SPTAN1: variants seen among roughly 807,000 people sequenced by gnomAD.
The protein encoded by SPTAN1 is spectrin alpha chain, non-erythrocytic 1.
In SPTAN1, 61 loss-of-function variants were observed where a neutral mutation model predicts 331.3. The ratio of observed to expected loss-of-function variants is 0.18; its 90% CI spans 0.15 to 0.23. The LOEUF (loss-of-function observed/expected upper bound fraction) is 0.23. Among genes scored for constraint, SPTAN1 ranks in the 10% least tolerant of loss-of-function variants. SPTAN1 has a pLI of 1.00. For missense variants in SPTAN1, 2,043 were observed against 3,147.9 expected, an observed-to-expected ratio of 0.65 and a Z score of 8.40; for synonymous variants, 1,153 against 1,173.9, an observed-to-expected ratio of 0.98 and a Z score of 0.36.
At chr9:128,609,973 G>A (rs1201669090) in intron 37 of SPTAN1, among the ~76,000 whole-genome samples, 1 of 152,160 alleles carries the variant, frequency 6.6e-6, no homozygotes, top group Non-Finnish European at 1.5e-5. Flanking sequence ...GCTTCCTTTT[G>A]AAGATGGAAC....
intron 20 of SPTAN1, among the ~76,000 whole-genome samples, chr9:128,588,398 G>A (rs971377617): frequency 1.5e-5 from 2 of 134,906 alleles, no homozygotes; most frequent in Non-Finnish European, 3.1e-5. Context: ...CGCAACCTCC[G>A]CCTCCCAGGT....
rs1858992366 is a variant in SPTAN1, at chr9:128,627,778, G to A, written c.6690-147G>A. The A allele has an allele frequency of 9.4e-7, 1 of 1,069,378 alleles. No individual in the cohort carries two copies. Among genetic ancestry groups the A allele is most frequent in the South Asian group, 1.3e-5 (1 of 79,410 alleles). 66.2% of individuals were successfully genotyped at this position (1,069,378 alleles called of 1,614,324 possible). ...TGGTCAGCCCCAGCCATGACTTGGT[G>A]ACAGACGATGCAGGGTCTGTGCGTT... is the stretch of plus-strand genomic sequence containing the variant. On this transcript the variant is annotated intron_variant, in intron 50 of 56. Transcript: ENST00000372739. This position sits in a 1 kb window ranked among gnomAD's most constrained non-coding sequence, Gnocchi z 4.9.
chr9:128,581,698 T>G (rs1410829079), intron 11 of SPTAN1, 84 bp from the exon 12 acceptor site: 1 of 1,010,690 alleles, frequency 9.9e-7, no homozygotes, highest in Non-Finnish European at 1.6e-6. Flanking sequence ...TTTTTATATT[T>G]TGGCCAAAAT....
In SPTAN1 at chr9:128,605,789, C is replaced by G. The variant is rs141837522; in HGVS notation, c.4046+312C>G. ...GGCAGATCACCTGAGGTCAAGAGTT[C>G]AAGACCAGCCTGGCCAACATGGCGA... On this transcript the variant is annotated intron_variant, in intron 31 of 56. Coordinates refer to ENST00000372739, the MANE Select transcript of SPTAN1 (RefSeq NM_001130438.3). Among the ~76,000 whole-genome samples the G allele has an allele frequency of 2.0e-3, 310 of 152,184 alleles. 2 individuals carry two copies. The highest frequency in any genetic ancestry group is 7.1e-3 in the African/African-American group (293 of 41,544).
At chr9:128,620,440 G>C (rs987349462) in intron 44 of SPTAN1, among the ~76,000 whole-genome samples, 8 of 152,234 alleles carry the variant, frequency 5.3e-5, no homozygotes, top group Admixed American at 3.3e-4. Flanking sequence ...CCTGGGGCCA[G>C]GTGCGGTGGC....
chr9:128,626,264 G>C (rs533599225), intron 48 of SPTAN1, 127 bp from the exon 49 acceptor site: 87 of 1,204,114 alleles, frequency 7.2e-5, no homozygotes, highest in Middle Eastern at 5.4e-4. Flanking sequence ...GGAGCAGAGG[G>C]GAGCTAAGCT....
intron 26 of SPTAN1, 42 bp from the exon 27 acceptor site, chr9:128,600,038 G>C: frequency 6.8e-6 from 11 of 1,611,622 alleles, no homozygotes; most frequent in Non-Finnish European, 9.3e-6. Flanking sequence ...TTTGTTTCAT[G>C]GTCAATTGCT....
intron 26 of SPTAN1, 87 bp from the exon 27 acceptor site, chr9:128,599,993 G>A: frequency 7.2e-7 from 1 of 1,393,210 alleles, no homozygotes; most frequent in Non-Finnish European, 1.0e-6. Context: ...CTCCCCTGGG[G>A]GAAACTAGAG....
At position 128,615,578 on chromosome 9, in the gene SPTAN1, A is replaced by G. The variant is rs545050150; in HGVS notation, c.5149-54A>G. On this transcript the variant is annotated intron_variant, in intron 40 of 56. Coordinates refer to ENST00000372739, the MANE Select transcript of SPTAN1 (RefSeq NM_001130438.3). ...AGGAATTCCTGAGTTCTTATGTTCAAGCAGATAGCTGTGGGAGACCCAGTT... is the reference window on the plus strand; with the variant it reads ...AGGAATTCCTGAGTTCTTATGTTCAGGCAGATAGCTGTGGGAGACCCAGTT... 38 of 1,591,858 alleles carry G rather than the reference A, an allele frequency of 2.4e-5. No homozygotes were observed. The African/African-American group carries it at 5.0e-4, about 21-fold the overall frequency.
chr9:128,566,659 T>C (rs1040567082), intron 1 of SPTAN1, 79 bp from the exon 2 acceptor site: 1 of 1,596,680 alleles, frequency 6.3e-7, no homozygotes, highest in African/African-American at 1.3e-5. Flanking sequence ...TAATTATTTC[T>C]TTCCTTCAGA....
chr9:128,563,018 ATATATATATG>A (rs1849599120), intron 1 of SPTAN1, among the ~76,000 whole-genome samples: 26 of 119,942 alleles, frequency 2.2e-4, no homozygotes, highest in African/African-American at 6.0e-4. Context: ...ATATATATAT[ATATATATATG>A]TATATATTTT....
Position 128,585,947 on chromosome 9 carries a change from G to A in SPTAN1, c.2760G>A (p.Lys920=), listed in dbSNP as rs773435271. ...EPIVGSTDYG[K]DEDSAEALLK... is the part of the protein sequence containing the mutation. ...TTGTGGGCAGCACTGACTATGGCAAGGACGAAGACTCTGCTGAGGTAACCA... is the reference window on the plus strand; with the variant it reads ...TTGTGGGCAGCACTGACTATGGCAAAGACGAAGACTCTGCTGAGGTAACCA... The change falls in exon 19 of 57, where the codon AAG becomes AAA. Residue 920 remains lysine (K), a synonymous_variant. Coordinates refer to ENST00000372739, the MANE Select transcript of SPTAN1 (RefSeq NM_001130438.3). 8.8e-5 allele frequency: 142 copies of A among 1,612,620 alleles called. No individual in the cohort carries two copies. Among genetic ancestry groups the A allele is most frequent in the Non-Finnish European group, 1.1e-4 (133 of 1,180,030 alleles).
intron 1 of SPTAN1, among the ~76,000 whole-genome samples, chr9:128,556,312 T>A (rs1047409920): frequency 3.7e-4 from 57 of 152,028 alleles, no homozygotes; most frequent in South Asian, 1.9e-3. Context: ...AAAAAAAAAA[T>A]TTAGTATCTT....
In SPTAN1 at chr9:128,604,413, C is replaced by T. The variant is rs1855557044; in HGVS notation, c.3715C>T (p.His1239Tyr). Residue 1239 changes from histidine (H) to tyrosine (Y), a missense_variant, in exon 29 of 57, where the codon CAC becomes TAC. This residue lies in a region of SPTAN1 where 42 missense variants were observed against 106.0 expected (regional missense o/e 0.40). Coordinates refer to ENST00000372739, the MANE Select transcript of SPTAN1 (RefSeq NM_001130438.3). The stretch of plus-strand genomic sequence containing the variant: ...CAGCGCCCATGAAGTACAGAGGTTC[C>T]ACAGGTGAGGGGTCAGCCCTGGGCT... ...LGSAHEVQRF[H>Y]RDADETKEWI... 6.2e-7 allele frequency: 1 copy of T among 1,613,188 alleles called. No individual in the cohort carries two copies. Among genetic ancestry groups the T allele is most frequent in the Admixed American group, 1.7e-5 (1 of 59,898 alleles).
intron 26 of SPTAN1, chr9:128,599,481 G>GT (rs1345611716): frequency 6.7e-5 from 10 of 150,194 alleles, no homozygotes; most frequent in Admixed American, 3.8e-4. Flanking sequence ...AAAAAAAGTT[G>GT]GTTTTTTTTT....
chr9:128,577,081 C>A lies in SPTAN1; in HGVS notation c.786-48C>A. 1 of 1,613,904 alleles carries A rather than the reference C, an allele frequency of 6.2e-7. No homozygotes were observed. On this transcript the variant is annotated intron_variant, in intron 6 of 56. Coordinates refer to ENST00000372739, the MANE Select transcript of SPTAN1 (RefSeq NM_001130438.3). The surrounding 1 kb of genome is among the most constrained non-coding windows in gnomAD (Gnocchi z 4.2). Reference sequence around the variant, plus strand: ...TTGGTCCCATGGGGTGTTCCTAGTTCTAGGGAGTCATCATTGCTGTGGATT... The same window carrying A: ...TTGGTCCCATGGGGTGTTCCTAGTTATAGGGAGTCATCATTGCTGTGGATT...
In SPTAN1 at chr9:128,627,240, C is replaced by G. The variant is rs186760576; in HGVS notation, c.6577-146C>G. On this transcript the variant is annotated intron_variant, in intron 49 of 56. Transcript: ENST00000372739. This position sits in a 1 kb window ranked among gnomAD's most constrained non-coding sequence, Gnocchi z 4.9. Reference sequence around the variant, plus strand: ...AGAAAGAACTACCAAGTGCTCTGAGCCGGCCTCATGTCTCCCAGCCTCCTC... The same window carrying G: ...AGAAAGAACTACCAAGTGCTCTGAGGCGGCCTCATGTCTCCCAGCCTCCTC... 1 of 717,526 alleles carries G rather than the reference C, an allele frequency of 1.4e-6. No individual in the cohort carries two copies. The highest frequency in any genetic ancestry group is 2.7e-5 in the East Asian group (1 of 36,490). The allele number at this position is 717,526 out of a possible 1,614,324, so 44.4% of individuals were successfully genotyped here.
In SPTAN1 at chr9:128,609,156, A is replaced by G. The variant is rs373650761; in HGVS notation, c.4630A>G (p.Arg1544Gly). ...TCTGAAAGCCCAGATGATTGAGAAAAGGTCAAAGCTAGGAGAATCTCAAAC... is the reference window on the plus strand; with the variant it reads ...TCTGAAAGCCCAGATGATTGAGAAAGGGTCAAAGCTAGGAGAATCTCAAAC... ...RRLKAQMIEK[R>G]SKLGESQTLQ... The change falls in exon 36 of 57, where the codon AGG becomes GGG. Residue 1544 changes from arginine to glycine, a missense_variant. Coordinates refer to ENST00000372739, the MANE Select transcript of SPTAN1 (RefSeq NM_001130438.3). The G allele has an allele frequency of 7.4e-6, 12 of 1,614,208 alleles. No individual in the cohort carries two copies. The highest frequency in any genetic ancestry group is 8.5e-7 in the Non-Finnish European group (1 of 1,180,042).
Position 128,632,154 on chromosome 9 carries a change from A to C in SPTAN1, c.6790A>C (p.Arg2264=), listed in dbSNP as rs766550915. The change falls in exon 53 of 57, where the codon AGA becomes CGA. Residue 2264 remains arginine (R), a synonymous_variant. Coordinates refer to ENST00000372739, the MANE Select transcript of SPTAN1 (RefSeq NM_001130438.3). ...KRKHQEIRAM[R]SQLKKIEDLG... is the part of the protein sequence containing the mutation. ...CAAGCACCAGGAAATCCGAGCCATG[A>C]GAAGTCAGCTCAAAAAGATCGAGGA... The C allele has an allele frequency of 8.1e-6, 13 of 1,613,506 alleles. No individual in the cohort carries two copies. The South Asian group carries it at 1.1e-4, about 14-fold the overall frequency.
Sources: allele counts gnomAD v4.1 joint callset (sites outside exome capture counted in the v4.1 genomes callset), GRCh38; gene constraint gnomAD v4.1.1; regional missense constraint gnomAD v4.1.1; non-coding constraint Gnocchi (gnomAD v3.1); transcripts MANE v1.5; gene names NCBI Gene and HGNC (gene_info 2026-07-23, HGNC 2026-07-21).